Variants in ZSWIM5 observed in about 807,000 individuals in gnomAD.
ZSWIM5 encodes zinc finger SWIM domain-containing protein 5.
Under a neutral mutation model 119.6 loss-of-function variants are expected in ZSWIM5, and 55 were observed. The observed-to-expected ratio is 0.46, with a 90% CI of 0.37 to 0.58. The LOEUF (loss-of-function observed/expected upper bound fraction) is 0.58. ZSWIM5 is among the 20% of genes least tolerant of loss of function. The pLI is 0.00. For synonymous variants in ZSWIM5, 537 were observed against 606.9 expected (o/e 0.88, Z 1.69); for missense variants, 1,193 against 1,512.8 (o/e 0.79, Z 3.51).
intron 1 of ZSWIM5, among the ~76,000 whole-genome samples, chr1:45,159,316 C>G (rs1645849205): frequency 6.6e-6 from 1 of 151,918 alleles, no homozygotes; most frequent in South Asian, 2.1e-4. Context: ...CAAATTCTGC[C>G]CACTTAACTA....
intron 1 of ZSWIM5, among the ~76,000 whole-genome samples, chr1:45,167,205 A>C (rs1308338279): frequency 6.6e-6 from 1 of 151,964 alleles, no homozygotes; most frequent in Non-Finnish European, 1.5e-5. Flanking sequence ...CAAACCTGAC[A>C]AAAACAAGCA....
chr1:45,124,552 G>C (rs955066088), intron 1 of ZSWIM5, among the ~76,000 whole-genome samples: 2 of 151,662 alleles, frequency 1.3e-5, no homozygotes. Context: ...AAAGGCAAAA[G>C]AAAACAGAAA....
intron 1 of ZSWIM5, among the ~76,000 whole-genome samples, chr1:45,097,064 C>T (rs1022937053): frequency 3.3e-5 from 5 of 152,130 alleles, no homozygotes; most frequent in African/African-American, 7.2e-5. Context: ...CTTAAATGTG[C>T]AGCAAGAGCT....
At chr1:45,110,568 T>C (rs946274662) in intron 1 of ZSWIM5, among the ~76,000 whole-genome samples, 2 of 152,316 alleles carry the variant, frequency 1.3e-5, no homozygotes, top group African/African-American at 2.4e-5. Flanking sequence ...AAAGAATTCA[T>C]GTAGATCAAG....
At chr1:45,136,485 G>A (rs887404285) in intron 1 of ZSWIM5, among the ~76,000 whole-genome samples, 6 of 151,784 alleles carry the variant, frequency 4.0e-5, no homozygotes, top group Non-Finnish European at 7.4e-5. Flanking sequence ...CTTTAATGAC[G>A]TTAACGTATA....
intron 1 of ZSWIM5, among the ~76,000 whole-genome samples, chr1:45,152,586 A>G (rs1645803968): frequency 6.6e-6 from 1 of 152,206 alleles, no homozygotes; most frequent in South Asian, 2.1e-4. Context: ...ACCTTTCACC[A>G]TATGCAAAAA....
At chr1:45,080,726 C>T (rs1645285018) in intron 2 of ZSWIM5, among the ~76,000 whole-genome samples, 1 of 152,150 alleles carries the variant, frequency 6.6e-6, no homozygotes, top group African/African-American at 2.4e-5. Flanking sequence ...TGTTCTGCCT[C>T]CTTCCTCAAT....
intron 1 of ZSWIM5, among the ~76,000 whole-genome samples, chr1:45,143,401 T>C (rs1645742218): frequency 6.6e-6 from 1 of 152,076 alleles, no homozygotes; most frequent in South Asian, 2.1e-4. Context: ...ATAAAAAACA[T>C]GATCATACAA....
Position 45,063,355 on chromosome 1 carries a change from C to G in ZSWIM5, c.953-3108G>C, listed in dbSNP as rs530995564. Among the ~76,000 whole-genome samples, 8 of 152,214 alleles carry G rather than the reference C, an allele frequency of 5.3e-5. No homozygotes were observed. In the South Asian group the frequency reaches 1.0e-3, roughly 20 times the overall value. On this transcript the variant is annotated intron_variant, in intron 2 of 13. Coordinates refer to ENST00000359600, the MANE Select transcript of ZSWIM5 (RefSeq NM_020883.2). ...GGGATTGCTGGGTGGCATCATAGTT[C>G]TGTTTTAAGTGCTCTGAGAACTCCC...
chr1:45,100,716 A>T (rs1199332177), intron 1 of ZSWIM5, among the ~76,000 whole-genome samples: 1 of 152,208 alleles, frequency 6.6e-6, no homozygotes, highest in Non-Finnish European at 1.5e-5. Context: ...AGACCAATGG[A>T]ACAGAACAGA....
chr1:45,077,688 G>A (rs1042770336), intron 2 of ZSWIM5, among the ~76,000 whole-genome samples: 11 of 152,146 alleles, frequency 7.2e-5, no homozygotes, highest in East Asian at 3.9e-4. Flanking sequence ...GCCTGGGAGC[G>A]CTATGGGAGA....
chr1:45,039,018 G>A lies in ZSWIM5; in HGVS notation c.1812C>T (p.His604=), dbSNP rs1348629903. 2 of 1,614,154 alleles carry A rather than the reference G, an allele frequency of 1.2e-6. No homozygotes were observed. The highest frequency in any genetic ancestry group is 1.7e-6 in the Non-Finnish European group (2 of 1,180,024). ...TITNLEGWVG[H]PLDPIDCLFL... ...ACAGGCAGTCGATGGGATCCAGGGG[G>A]TGGCCCACCCAGCCCTCCAGGTTTG... Residue 604 remains histidine (H), a synonymous_variant, in exon 8 of 14, where the codon CAC becomes CAT. Transcript: ENST00000359600.
chr1:45,128,251 G>A (rs1645632603), intron 1 of ZSWIM5, among the ~76,000 whole-genome samples: 1 of 152,090 alleles, frequency 6.6e-6, no homozygotes, highest in South Asian at 2.1e-4. Context: ...CACTGTCTTA[G>A]TCTGTCATCA....
chr1:45,165,029 C>T (rs1645891810), intron 1 of ZSWIM5, among the ~76,000 whole-genome samples: 1 of 152,120 alleles, frequency 6.6e-6, no homozygotes, highest in Non-Finnish European at 1.5e-5. Context: ...CTCAGCACCA[C>T]ATCACACTTA....
chr1:45,184,008 T>C (rs1478535452), intron 1 of ZSWIM5, among the ~76,000 whole-genome samples: 3 of 152,060 alleles, frequency 2.0e-5, no homozygotes, highest in Non-Finnish European at 4.4e-5. Flanking sequence ...AATAAAATAC[T>C]GGCAAACCGA....
intron 1 of ZSWIM5, among the ~76,000 whole-genome samples, chr1:45,175,447 T>C (rs1384914364): frequency 6.6e-6 from 1 of 151,974 alleles, no homozygotes; most frequent in Non-Finnish European, 1.5e-5. Context: ...AACTTACTCT[T>C]TCTAAAAATA....
At chr1:45,117,418 T>C (rs914458117) in intron 1 of ZSWIM5, among the ~76,000 whole-genome samples, 1 of 152,230 alleles carries the variant, frequency 6.6e-6, no homozygotes, top group African/African-American at 2.4e-5. Context: ...CTCACACCTA[T>C]AATCCCAGAA....
intron 1 of ZSWIM5, among the ~76,000 whole-genome samples, chr1:45,172,911 C>T (rs953188948): frequency 6.6e-6 from 1 of 152,074 alleles, no homozygotes; most frequent in African/African-American, 2.4e-5. Context: ...TGCCTATAAT[C>T]CCAATGCTTT....
intron 1 of ZSWIM5, among the ~76,000 whole-genome samples, chr1:45,136,815 T>C (rs1051512427): frequency 6.6e-6 from 1 of 152,126 alleles, no homozygotes; most frequent in African/African-American, 2.4e-5. Context: ...TCCTAGGGTA[T>C]ATATAATTCT....
Sources: gnomAD v4.1 joint callset for allele counts (sites outside exome capture counted in the v4.1 genomes callset) on GRCh38, gnomAD v4.1.1 for gene constraint, MANE v1.5 for transcripts, NCBI Gene and HGNC (gene_info 2026-07-23, HGNC 2026-07-21) for gene names.